MBNL1: variants seen among roughly 807,000 people sequenced by gnomAD.
MBNL1 encodes the protein muscleblind like splicing regulator 1, also known as muscleblind-like protein 1.
In MBNL1, 8 loss-of-function variants were observed where a neutral mutation model predicts 42.2. The observed-to-expected ratio is 0.19, with a 90% CI of 0.11 to 0.34. The LOEUF (loss-of-function observed/expected upper bound fraction) is 0.34, where lower values mean the gene tolerates loss of function less well. MBNL1 is among the 10% of genes least tolerant of loss of function. MBNL1 has a pLI of 1.00. For missense variants in MBNL1, 309 were observed against 495.3 expected (o/e 0.62, Z 3.57); for synonymous variants, 169 against 173.9 (o/e 0.97, Z 0.22).
chr3:152,373,772 A>G (rs2096782302), intron 2 of MBNL1, among the ~76,000 whole-genome samples: 1 of 152,078 alleles, frequency 6.6e-6, no homozygotes, highest in South Asian at 2.1e-4. Flanking sequence ...CTTGCCAGCC[A>G]CTCATATTTT....
chr3:152,395,051 G>A (rs1036560020), intron 2 of MBNL1, among the ~76,000 whole-genome samples: 5 of 151,978 alleles, frequency 3.3e-5, no homozygotes, highest in African/African-American at 1.2e-4. Flanking sequence ...TAGTAGAGAC[G>A]GGTTTCACCA....
upstream of MBNL1, chr3:152,268,895 C>G: frequency 4.4e-6 from 2 of 454,872 alleles, no homozygotes; most frequent in Non-Finnish European, 8.8e-6. Flanking sequence ...GAAGCCAGAC[C>G]TCGGCGATAA....
intron 2 of MBNL1, among the ~76,000 whole-genome samples, chr3:152,389,754 G>T (rs1386896586): frequency 6.6e-6 from 1 of 152,150 alleles, no homozygotes; most frequent in African/African-American, 2.4e-5. Context: ...AGTAGTGAGT[G>T]AATGTGAAGG....
At chr3:152,315,879 C>G (rs538444640) in intron 2 of MBNL1, among the ~76,000 whole-genome samples, 6 of 151,772 alleles carry the variant, frequency 4.0e-5, no homozygotes, top group East Asian at 3.9e-4. Flanking sequence ...CTCTCTCTCT[C>G]TCTCTCTCAC....
intron 2 of MBNL1, among the ~76,000 whole-genome samples, chr3:152,410,233 A>AT (rs1258647405): frequency 6.6e-6 from 1 of 152,156 alleles, no homozygotes; most frequent in Non-Finnish European, 1.5e-5. Context: ...CTAAATGTAT[A>AT]TTTTCCCTTA....
intron 1 of MBNL1, among the ~76,000 whole-genome samples, chr3:152,278,868 T>A (rs1323004915): frequency 6.6e-6 from 1 of 150,926 alleles, no homozygotes; most frequent in Non-Finnish European, 1.5e-5. Context: ...AATTACATAG[T>A]GTCTTTCCTT....
intron 2 of MBNL1, among the ~76,000 whole-genome samples, chr3:152,316,747 A>G (rs2071853815): frequency 1.3e-5 from 2 of 152,184 alleles, no homozygotes; most frequent in South Asian, 4.1e-4. Context: ...CTCAATCTAT[A>G]GAGAAGATGT....
intron 4 of MBNL1, among the ~76,000 whole-genome samples, chr3:152,443,468 G>A (rs1464440676): frequency 1.4e-5 from 1 of 71,894 alleles, no homozygotes; most frequent in Non-Finnish European, 2.9e-5. Context: ...CGTTTATGCA[G>A]TAGTATATAT....
intron 2 of MBNL1, among the ~76,000 whole-genome samples, chr3:152,332,363 CTGT>C (rs975136467): frequency 5.3e-5 from 8 of 152,090 alleles, no homozygotes; most frequent in Non-Finnish European, 1.2e-4. Flanking sequence ...AAATTTAAAT[CTGT>C]TGTTAGCCAA....
intron 2 of MBNL1, among the ~76,000 whole-genome samples, chr3:152,346,881 T>TAA (rs35680881): frequency 0.014 from 2,042 of 141,834 alleles, 55 homozygotes; most frequent in East Asian, 0.081. Flanking sequence ...TCACTTTAAT[T>TAA]AAAAAAAAAA....
chr3:152,276,003 G>T (rs1451796035), intron 1 of MBNL1, among the ~76,000 whole-genome samples: 1 of 152,074 alleles, frequency 6.6e-6, no homozygotes, highest in African/African-American at 2.4e-5. Context: ...AATAGTAGAA[G>T]TTGCCACTGG....
intron 2 of MBNL1, among the ~76,000 whole-genome samples, chr3:152,347,626 T>C (rs2094454663): frequency 6.6e-6 from 1 of 152,080 alleles, no homozygotes; most frequent in Non-Finnish European, 1.5e-5. Flanking sequence ...AAGAAGACAG[T>C]GTGAAAAAGC....
intron 2 of MBNL1, among the ~76,000 whole-genome samples, chr3:152,362,719 C>T (rs2096067522): frequency 6.6e-6 from 1 of 152,056 alleles, no homozygotes; most frequent in South Asian, 2.1e-4. Context: ...GCCAAATGTC[C>T]CATGGTAGGC....
In MBNL1 at chr3:152,419,186, CT is replaced by C. The variant is rs994926942; in HGVS notation, c.345+4085del. ...TATCACTAATAAAATGCAAAATGAT[CT>C]TTTTTTTTTAATCATATGTTCTTTG... On this transcript the variant is annotated intron_variant, in intron 3 of 9. Coordinates refer to ENST00000324210, the MANE Select transcript of MBNL1 (RefSeq NM_021038.5). Among the ~76,000 whole-genome samples the C allele has an allele frequency of 2.5e-3, 376 of 148,686 alleles. 2 individuals are homozygous for C. Among genetic ancestry groups the C allele is most frequent in the African/African-American group, 7.5e-3 (304 of 40,620 alleles).
chr3:152,269,192 G>A lies in MBNL1; in HGVS notation c.-790+100G>A, dbSNP rs374029869. 28 of 390,064 alleles carry A rather than the reference G, an allele frequency of 7.2e-5. 2 individuals carry two copies. The highest frequency in any genetic ancestry group is 5.0e-4 in the South Asian group (27 of 54,294). 24.2% of individuals were successfully genotyped at this position (390,064 alleles called of 1,614,324 possible). A position where few individuals can be genotyped will look rare whatever the true frequency, so the allele number is the denominator to read the frequency against. Reference sequence around the variant, plus strand: ...GAGGAAGTGCGAGGAGGTGCTCGCCGGCCGCGGTTCTCCCGGGCAGGGGCG... The same window carrying A: ...GAGGAAGTGCGAGGAGGTGCTCGCCAGCCGCGGTTCTCCCGGGCAGGGGCG... On this transcript the variant is annotated intron_variant, in intron 1 of 9. Transcript: ENST00000324210.
At position 152,388,758 on chromosome 3, in the gene MBNL1, G is replaced by A. The variant is rs369660877; in HGVS notation, c.175-26183G>A. On this transcript the variant is annotated intron_variant, in intron 2 of 9. Transcript: ENST00000324210. ...TGGAAATCTGGAAGCTTTATTAATG[G>A]TATTTAGTAGGTATCTGGCAGCACA... is the stretch of plus-strand genomic sequence containing the variant. 6.0e-4 allele frequency among the ~76,000 whole-genome samples: 92 copies of A among 152,328 alleles called. No individual in the cohort carries two copies. The South Asian group carries it at 0.019, about 31-fold the overall frequency.
intron 9 of MBNL1, among the ~76,000 whole-genome samples, chr3:152,460,387 T>G (rs372572802): frequency 1.9e-4 from 28 of 149,448 alleles, no homozygotes; most frequent in African/African-American, 6.6e-4. Context: ...ATCATATAAT[T>G]CTGAAAATGT....
At chr3:152,309,016 A>T (rs1405186138) in intron 2 of MBNL1, among the ~76,000 whole-genome samples, 1 of 152,030 alleles carries the variant, frequency 6.6e-6, no homozygotes, top group Admixed American at 6.6e-5. Context: ...TAACAGGGAG[A>T]CTAGTATATT....
intron 4 of MBNL1, 50 bp downstream of exon 4, chr3:152,432,970 G>T: frequency 6.5e-7 from 1 of 1,527,644 alleles, no homozygotes; most frequent in Non-Finnish European, 9.0e-7. Context: ...AATTCTCAAA[G>T]TGTGGTTTTT....
Sources: allele counts gnomAD v4.1 joint callset (sites outside exome capture counted in the v4.1 genomes callset), GRCh38; gene constraint gnomAD v4.1.1; transcripts MANE v1.5; gene names NCBI Gene and HGNC (gene_info 2026-07-23, HGNC 2026-07-21).